Variants in CRHR2 observed in about 807,000 individuals in gnomAD.
CRHR2 encodes the protein corticotropin releasing hormone receptor 2.
In CRHR2, 53 loss-of-function variants were observed where a neutral mutation model predicts 57.9. The ratio of observed to expected loss-of-function variants is 0.92; its 90% CI spans 0.73 to 1.15. CRHR2 has a LOEUF of 1.15. CRHR2 is among the 50% of genes most tolerant of loss of function. CRHR2 has a pLI of 0.00. For missense variants in CRHR2, 532 were observed against 542.6 expected (o/e 0.98, Z 0.19); for synonymous variants, 213 against 220.9 (o/e 0.96, Z 0.32).
chr7:30,665,765 G>T lies in CRHR2; in HGVS notation c.316-126C>A. 1 of 729,406 alleles carries T rather than the reference G, an allele frequency of 1.4e-6. No individual in the cohort carries two copies. The highest frequency in any genetic ancestry group is 2.3e-6 in the Non-Finnish European group (1 of 438,030). 45.2% of individuals were successfully genotyped at this position (729,406 alleles called of 1,614,324 possible). On this transcript the variant is annotated intron_variant, in intron 3 of 11. Transcript: ENST00000471646. The surrounding 1 kb of genome is among the most constrained non-coding windows in gnomAD (Gnocchi z 4.5). Reference sequence around the variant, plus strand: ...CAGAAGTGCTCCAGGTGTCATTGCCGTGCCTGGCTCTTAGGGTTCGTTCCT... The same window carrying T: ...CAGAAGTGCTCCAGGTGTCATTGCCTTGCCTGGCTCTTAGGGTTCGTTCCT...
At chr7:30,674,786 C>T (rs1784465185) in intron 2 of CRHR2, among the ~76,000 whole-genome samples, 1 of 152,128 alleles carries the variant, frequency 6.6e-6, no homozygotes, top group Non-Finnish European at 1.5e-5. Context: ...GAGACCACCA[C>T]CCCAGAATGA....
At chr7:30,686,612 C>T, upstream of CRHR2, 1 of 1,137,206 alleles carries the variant, frequency 8.8e-7, no homozygotes, top group East Asian at 2.6e-5. Flanking sequence ...AATTCAAGAC[C>T]AGCCTACAAA....
intron 1 of CRHR2, among the ~76,000 whole-genome samples, chr7:30,699,254 C>T (rs1562815035): frequency 1.3e-5 from 2 of 152,160 alleles, no homozygotes; most frequent in East Asian, 3.9e-4. Context: ...GTCCCTTCTC[C>T]CCACCTTCCA....
chr7:30,679,481 A>C (rs1011022485), intron 2 of CRHR2, among the ~76,000 whole-genome samples: 1 of 152,230 alleles, frequency 6.6e-6, no homozygotes, highest in African/African-American at 2.4e-5. Flanking sequence ...TGCCTGAGAT[A>C]TGGATACAAA....
chr7:30,679,267 A>C (rs1376067923), intron 2 of CRHR2, among the ~76,000 whole-genome samples: 1 of 152,228 alleles, frequency 6.6e-6, no homozygotes, highest in Non-Finnish European at 1.5e-5. Flanking sequence ...CTCTCCTCGC[A>C]AACCGAATGC....
At chr7:30,655,421 T>C (rs527492647) in intron 10 of CRHR2, among the ~76,000 whole-genome samples, 159 bp downstream of exon 10, 68 of 152,290 alleles carry the variant, frequency 4.5e-4, no homozygotes, top group African/African-American at 1.4e-3. Context: ...TGGGGATAAC[T>C]GGCCAGGCTC....
upstream of CRHR2, among the ~76,000 whole-genome samples, chr7:30,684,127 G>A (rs1314104640): frequency 6.6e-6 from 1 of 152,190 alleles, no homozygotes; most frequent in African/African-American, 2.4e-5. Flanking sequence ...GCTCAGCTCT[G>A]GGCAGCTGCA....
At chr7:30,695,131 G>C (rs1400157118) in intron 1 of CRHR2, among the ~76,000 whole-genome samples, 1 of 150,324 alleles carries the variant, frequency 6.7e-6, no homozygotes, top group Non-Finnish European at 1.5e-5. Context: ...ACAGACATAG[G>C]GGGCAGAAAT....
chr7:30,663,371 T>C (rs998178037), intron 5 of CRHR2, among the ~76,000 whole-genome samples: 6 of 152,188 alleles, frequency 3.9e-5, no homozygotes, highest in Non-Finnish European at 8.8e-5. Flanking sequence ...TGGGAACTTC[T>C]GGACTTGGCA....
chr7:30,666,943 G>T (rs901063266), intron 3 of CRHR2, among the ~76,000 whole-genome samples: 9 of 152,226 alleles, frequency 5.9e-5, no homozygotes, highest in African/African-American at 2.2e-4. Flanking sequence ...TAAGATGTTA[G>T]GAGCATTGAT....
intron 2 of CRHR2, among the ~76,000 whole-genome samples, chr7:30,687,665 G>A (rs1242202283): frequency 6.6e-6 from 1 of 152,184 alleles, no homozygotes; most frequent in Non-Finnish European, 1.5e-5. Flanking sequence ...AACAGGCAAG[G>A]CTGTATGTTT....
intron 2 of CRHR2, among the ~76,000 whole-genome samples, chr7:30,672,014 G>A (rs372908669): frequency 2.6e-5 from 4 of 152,208 alleles, no homozygotes; most frequent in Non-Finnish European, 5.9e-5. Context: ...ACATGGGATC[G>A]GAACTTTCAG....
upstream of CRHR2, chr7:30,682,494 G>T (rs1326627370): frequency 7.7e-6 from 10 of 1,305,712 alleles, no homozygotes; most frequent in Non-Finnish European, 9.7e-6. Flanking sequence ...AGTGCACGGA[G>T]CTGCGGGTAC....
upstream of CRHR2, among the ~76,000 whole-genome samples, chr7:30,683,518 G>A (rs1296022062): frequency 6.6e-6 from 1 of 152,152 alleles, no homozygotes; most frequent in African/African-American, 2.4e-5. Flanking sequence ...CCAGCTGAGT[G>A]GGGCATTGGG....
intron 8 of CRHR2, among the ~76,000 whole-genome samples, chr7:30,659,134 G>A (rs1783896450): frequency 6.6e-6 from 1 of 152,226 alleles, no homozygotes; most frequent in Non-Finnish European, 1.5e-5. Context: ...GCTTCTGGAA[G>A]GGCTCAGCTT....
intron 2 of CRHR2, among the ~76,000 whole-genome samples, chr7:30,668,549 G>A (rs1784257296): frequency 6.6e-6 from 1 of 152,126 alleles, no homozygotes. Flanking sequence ...GAGCTGGAGG[G>A]GGAACCTTAG....
intron 9 of CRHR2, 54 bp from the exon 10 acceptor site, chr7:30,655,769 C>T: frequency 3.1e-6 from 5 of 1,594,840 alleles, no homozygotes; most frequent in Non-Finnish European, 4.3e-6. Context: ...CAGGGCCTCA[C>T]CCAGTGGGCG....
upstream of CRHR2, chr7:30,686,542 C>T: frequency 1.3e-6 from 2 of 1,515,228 alleles, no homozygotes; most frequent in South Asian, 1.2e-5. Context: ...GGTGCAGTGG[C>T]TCACACCCAT....
intron 1 of CRHR2, among the ~76,000 whole-genome samples, chr7:30,699,295 G>A (rs1295975445): frequency 6.6e-6 from 1 of 152,162 alleles, no homozygotes; most frequent in African/African-American, 2.4e-5. Context: ...ACAAAGGCAC[G>A]GGGTGTGGCT....
Sources: allele counts gnomAD v4.1 joint callset (sites outside exome capture counted in the v4.1 genomes callset), GRCh38; gene constraint gnomAD v4.1.1; non-coding constraint Gnocchi (gnomAD v3.1); transcripts MANE v1.5; gene names NCBI Gene and HGNC (gene_info 2026-07-23, HGNC 2026-07-21).